Variants in WWOX observed in about 807,000 individuals in gnomAD.
WWOX encodes the protein WW domain-containing oxidoreductase.
In WWOX, 69 loss-of-function variants were observed where a neutral mutation model predicts 46.2. That is an observed-to-expected ratio of 1.49 (90% CI 1.23 to 1.82). The LOEUF (loss-of-function observed/expected upper bound fraction) is 1.82, where lower values mean the gene tolerates loss of function less well. Among genes scored for constraint, WWOX ranks in the 40% most tolerant of loss-of-function variants. The probability of loss-of-function intolerance (pLI) is 0.00; values close to 1 mark genes in which losing one functional copy is unlikely to be tolerated. For missense variants in WWOX, 919 were observed against 542.6 expected (o/e 1.69, Z -6.89); for synonymous variants, 359 against 202.6 (o/e 1.77, Z -6.56).
rs538449859 is a variant in WWOX at position 78,854,425 on chromosome 16, T to G, written c.1057-357183T>G. ...CTAATTTGGCAGTGAGTTCAGGAGA[T>G]GAAGACTGTCCTTTAGTTAACATCA... is the stretch of plus-strand genomic sequence containing the variant. On this transcript the variant is annotated intron_variant, in intron 8 of 8. Coordinates refer to ENST00000566780, the MANE Select transcript of WWOX (RefSeq NM_016373.4). 8.3e-4 allele frequency among the ~76,000 whole-genome samples: 127 copies of G among 152,374 alleles called. 1 individual carries two copies. The highest frequency in any genetic ancestry group is 2.9e-3 in the African/African-American group (122 of 41,594).
intron 8 of WWOX, among the ~76,000 whole-genome samples, chr16:79,152,158 C>T (rs932382402): frequency 1.3e-5 from 2 of 152,188 alleles, no homozygotes; most frequent in Non-Finnish European, 2.9e-5. Flanking sequence ...GTCGGCACTG[C>T]CTTGGAACTT....
At chr16:78,355,270 T>G (rs941581027) in intron 5 of WWOX, among the ~76,000 whole-genome samples, 9 of 151,664 alleles carry the variant, frequency 5.9e-5, no homozygotes, top group Non-Finnish European at 8.8e-5. Flanking sequence ...AAAAAAAAAG[T>G]ATGTATACAT....
intron 8 of WWOX, among the ~76,000 whole-genome samples, chr16:79,000,368 A>T (rs1306570723): frequency 6.7e-6 from 1 of 150,358 alleles, no homozygotes; most frequent in Non-Finnish European, 1.5e-5. Context: ...GCAGATGGGG[A>T]ATTAAGGTTG....
At chr16:78,146,105 C>G (rs943708132) in intron 4 of WWOX, among the ~76,000 whole-genome samples, 1 of 152,118 alleles carries the variant, frequency 6.6e-6, no homozygotes, top group Non-Finnish European at 1.5e-5. Flanking sequence ...CAGCTTTGAG[C>G]CAGATAACAA....
chr16:78,400,481 A>C (rs141139468), intron 6 of WWOX, among the ~76,000 whole-genome samples: 1 of 152,164 alleles, frequency 6.6e-6, no homozygotes. Context: ...ATTGTTCTGC[A>C]TTGTGGATCG....
chr16:78,825,883 T>C, intron 8 of WWOX: 1 of 682,432 alleles, frequency 1.5e-6, no homozygotes. Flanking sequence ...CTAAGAAGCC[T>C]CTGCCTGACC....
At chr16:78,903,380 A>G (rs1378268908) in intron 8 of WWOX, among the ~76,000 whole-genome samples, 1 of 152,238 alleles carries the variant, frequency 6.6e-6, no homozygotes, top group African/African-American at 2.4e-5. Flanking sequence ...ATGCAAACGA[A>G]GACTCCGCCT....
chr16:78,300,123 A>G (rs1314523874), intron 5 of WWOX, among the ~76,000 whole-genome samples: 1 of 152,174 alleles, frequency 6.6e-6, no homozygotes, highest in African/African-American at 2.4e-5. Flanking sequence ...TTTCCAACAG[A>G]ATCATGAAGT....
chr16:78,852,496 A>G (rs1231530161), intron 8 of WWOX, among the ~76,000 whole-genome samples: 1 of 152,206 alleles, frequency 6.6e-6, no homozygotes, highest in Non-Finnish European at 1.5e-5. Context: ...AACATGAGCG[A>G]GCCTTGTTGG....
Position 78,787,447 on chromosome 16 carries a change from G to A in WWOX, c.1056+354695G>A, listed in dbSNP as rs188966038. Among the ~76,000 whole-genome samples the A allele has an allele frequency of 8.5e-5, 13 of 152,188 alleles. No individual in the cohort carries two copies. In the East Asian group the frequency reaches 2.3e-3, roughly 27 times the overall value. ...TGTGGCCTTTTGTGTCTGGCTTCTT[G>A]CTTTTAGCATGCTTTCAAGGTTCAT... On this transcript the variant is annotated intron_variant, in intron 8 of 8. Transcript: ENST00000566780.
intron 8 of WWOX, among the ~76,000 whole-genome samples, chr16:79,104,309 A>T (rs1391337134): frequency 2.0e-5 from 3 of 152,156 alleles, no homozygotes; most frequent in African/African-American, 7.2e-5. Flanking sequence ...ATCATCTGCT[A>T]TTACTGTTAT....
chr16:78,512,443 G>T (rs1357260487), intron 8 of WWOX, among the ~76,000 whole-genome samples: 1 of 152,168 alleles, frequency 6.6e-6, no homozygotes, highest in Non-Finnish European at 1.5e-5. Flanking sequence ...AATGTGTTGA[G>T]TAGAATTAAA....
At chr16:78,535,145 A>G (rs1490514204) in intron 8 of WWOX, 1 of 152,208 alleles carries the variant, frequency 6.6e-6, no homozygotes, top group Non-Finnish European at 1.5e-5. Flanking sequence ...CTGCATTGAG[A>G]TAGCATTGCA....
At position 79,098,486 on chromosome 16, in the gene WWOX, G is replaced by A. The variant is rs149670998; in HGVS notation, c.1057-113122G>A. Among the ~76,000 whole-genome samples, 237 of 152,312 alleles carry A rather than the reference G, an allele frequency of 1.6e-3. 1 individual carries two copies. The highest frequency in any genetic ancestry group is 2.5e-3 in the Admixed American group (38 of 15,304). On this transcript the variant is annotated intron_variant, in intron 8 of 8. Coordinates refer to ENST00000566780, the MANE Select transcript of WWOX (RefSeq NM_016373.4). ...TGTCTGGAAAGAAAAGAAGGTCATT[G>A]GAATCTTCTTCACCCCTTCCCTGGT...
intron 8 of WWOX, among the ~76,000 whole-genome samples, chr16:78,815,870 T>A (rs1028422364): frequency 6.6e-6 from 1 of 152,146 alleles, no homozygotes; most frequent in African/African-American, 2.4e-5. Context: ...AAATATAAAC[T>A]TGAGAGTGAC....
intron 5 of WWOX, among the ~76,000 whole-genome samples, chr16:78,343,135 A>G (rs2151901158): frequency 8.3e-6 from 1 of 120,074 alleles, no homozygotes; most frequent in East Asian, 1.9e-4. Context: ...AGACAACAGC[A>G]GGATGCAAGA....
chr16:78,872,843 G>C (rs888569519), intron 8 of WWOX: 1 of 152,280 alleles, frequency 6.6e-6, no homozygotes, highest in East Asian at 1.9e-4. Context: ...TCTTGCTCAG[G>C]CTGGAGTGTA....
intron 5 of WWOX, among the ~76,000 whole-genome samples, chr16:78,164,990 A>G (rs900990272): frequency 1.3e-5 from 2 of 152,184 alleles, no homozygotes; most frequent in African/African-American, 2.4e-5. Context: ...ATGTCAAGAG[A>G]AGTATTCTCT....
chr16:79,097,541 C>A (rs2150620944), intron 8 of WWOX, among the ~76,000 whole-genome samples: 1 of 152,196 alleles, frequency 6.6e-6, no homozygotes, highest in East Asian at 1.9e-4. Context: ...TTTCTAATGT[C>A]TTTTGTTTGT....
Sources: gnomAD v4.1 joint callset for allele counts (sites outside exome capture counted in the v4.1 genomes callset) on GRCh38, gnomAD v4.1.1 for gene constraint, MANE v1.5 for transcripts, NCBI Gene and HGNC (gene_info 2026-07-23, HGNC 2026-07-21) for gene names.